Variants in UNC5D observed in about 807,000 individuals in gnomAD.
UNC5D encodes the protein netrin receptor UNC5D.
A neutral mutation model predicts 105.4 loss-of-function variants in UNC5D; 39 were observed. The ratio of observed to expected loss-of-function variants is 0.37; its 90% confidence interval spans 0.29 to 0.48. UNC5D has a LOEUF of 0.48. Ranked by LOEUF, UNC5D falls within the 20% of genes least tolerant of loss-of-function variation. UNC5D has a pLI of 0.98. For synonymous variants in UNC5D, 452 were observed against 450.4 expected (o/e 1.00, Z -0.04); for missense variants, 991 against 1,202.4 (o/e 0.82, Z 2.60).
chr8:35,536,260 A>G (rs923388982), intron 1 of UNC5D, among the ~76,000 whole-genome samples: 2 of 152,234 alleles, frequency 1.3e-5, no homozygotes, highest in African/African-American at 2.4e-5. Flanking sequence ...GCTGGACACT[A>G]TTACCATGTG....
intron 4 of UNC5D, among the ~76,000 whole-genome samples, chr8:35,677,972 A>C (rs1468842277): frequency 6.6e-6 from 1 of 151,278 alleles, no homozygotes; most frequent in Non-Finnish European, 1.5e-5. Flanking sequence ...ACGTGTGTGT[A>C]TGTGTCTGTG....
intron 1 of UNC5D, among the ~76,000 whole-genome samples, chr8:35,424,306 A>T (rs1376541531): frequency 6.6e-6 from 1 of 152,228 alleles, no homozygotes; most frequent in Non-Finnish European, 1.5e-5. Context: ...AATTTTAATG[A>T]TATATTTAAC....
intron 9 of UNC5D, 126 bp downstream of exon 9, chr8:35,722,521 T>A: frequency 7.9e-7 from 1 of 1,262,676 alleles, no homozygotes; most frequent in Non-Finnish European, 1.1e-6. Flanking sequence ...TACCAAATTG[T>A]CTTCACACAT....
intron 4 of UNC5D, among the ~76,000 whole-genome samples, chr8:35,672,021 A>G (rs1434243475): frequency 6.6e-6 from 1 of 152,146 alleles, no homozygotes; most frequent in African/African-American, 2.4e-5. Context: ...ATATCATTAC[A>G]TTATTAGCCT....
Position 35,331,325 on chromosome 8 carries a change from G to A in UNC5D, c.103+95438G>A, listed in dbSNP as rs374138391. Among the ~76,000 whole-genome samples the A allele has an allele frequency of 1.1e-4, 16 of 152,236 alleles. No individual in the cohort carries two copies. The East Asian group carries it at 1.9e-3, about 18-fold the overall frequency. ...CCTTCTCTCATAGTTATAGACCCCTGAGCACTGATGTCATTTCTCTCCTGG... is the reference window on the plus strand; with the variant it reads ...CCTTCTCTCATAGTTATAGACCCCTAAGCACTGATGTCATTTCTCTCCTGG... On this transcript the variant is annotated intron_variant, in intron 1 of 16. Transcript: ENST00000404895.
chr8:35,697,575 A>C (rs1396348451), intron 7 of UNC5D, among the ~76,000 whole-genome samples: 1 of 152,146 alleles, frequency 6.6e-6, no homozygotes, highest in Non-Finnish European at 1.5e-5. Flanking sequence ...TAGCCACAAC[A>C]TCCTATGAAT....
intron 1 of UNC5D, among the ~76,000 whole-genome samples, chr8:35,371,806 T>C (rs1372139976): frequency 6.6e-6 from 1 of 152,190 alleles, no homozygotes; most frequent in Non-Finnish European, 1.5e-5. Context: ...TGTATTACGG[T>C]GTTTCCACAT....
intron 1 of UNC5D, among the ~76,000 whole-genome samples, chr8:35,421,148 C>A (rs1373665716): frequency 1.3e-5 from 2 of 152,130 alleles, no homozygotes; most frequent in African/African-American, 4.8e-5. Context: ...TGACATTAAC[C>A]TTTATCTAAA....
intron 1 of UNC5D, among the ~76,000 whole-genome samples, chr8:35,453,984 G>C (rs1188585832): frequency 1.3e-5 from 2 of 152,092 alleles, no homozygotes; most frequent in Admixed American, 6.6e-5. Flanking sequence ...GACAGATGAA[G>C]GTATAAAAGA....
chr8:35,703,947 T>G (rs1827369911), intron 7 of UNC5D, among the ~76,000 whole-genome samples: 2 of 152,184 alleles, frequency 1.3e-5, no homozygotes, highest in African/African-American at 4.8e-5. Flanking sequence ...TTCTGATTCT[T>G]GAATGCATTA....
intron 3 of UNC5D, among the ~76,000 whole-genome samples, chr8:35,593,847 G>A (rs1474211589): frequency 6.6e-6 from 1 of 152,184 alleles, no homozygotes; most frequent in Admixed American, 6.5e-5. Context: ...CTCTATGATA[G>A]ACTAATTTTG....
chr8:35,615,946 G>A (rs1295614011), intron 4 of UNC5D, among the ~76,000 whole-genome samples: 6 of 152,288 alleles, frequency 3.9e-5, no homozygotes, highest in African/African-American at 1.4e-4. Context: ...GGACTCATCC[G>A]ATCCTTAAAG....
rs1803243989 is a variant in UNC5D, at chr8:35,796,144, T to C, written c.*5581T>C. 6.6e-6 allele frequency: 1 copy of C among 152,276 alleles called. No individual in the cohort carries two copies. The highest frequency in any genetic ancestry group is 2.4e-5 in the African/African-American group (1 of 41,552). The allele number at this position is 152,276 out of a possible 1,614,324, so 9.4% of individuals were successfully genotyped here. ...AATAAAATAAAGCAGGGCTGAACAC[T>C]TAATTTGACATGAAGCTGAAGGACT... On this transcript the variant is annotated 3_prime_UTR_variant, in exon 17 of 17. Coordinates refer to ENST00000404895, the MANE Select transcript of UNC5D (RefSeq NM_080872.4).
intron 4 of UNC5D, among the ~76,000 whole-genome samples, chr8:35,665,000 A>C (rs955557970): frequency 3.9e-5 from 6 of 151,904 alleles, no homozygotes; most frequent in Non-Finnish European, 7.4e-5. Flanking sequence ...TGCCCAGCTA[A>C]TTTTTTAAGT....
rs143156310 is a variant in UNC5D, at chr8:35,785,444, C to T, written c.2658-4915C>T. 3.1e-3 allele frequency among the ~76,000 whole-genome samples: 470 copies of T among 152,210 alleles called. 3 individuals are homozygous for T. Among genetic ancestry groups the T allele is most frequent in the African/African-American group, 0.01 (436 of 41,538 alleles). On this transcript the variant is annotated intron_variant, in intron 16 of 16. Coordinates refer to ENST00000404895, the MANE Select transcript of UNC5D (RefSeq NM_080872.4). ...GCGTGATCTTGACTCACTGCAATCC[C>T]TGCCTCCTGTGTTCAAGCGATTCTT...
chr8:35,444,934 A>T (rs921386906), intron 1 of UNC5D, among the ~76,000 whole-genome samples: 11 of 152,076 alleles, frequency 7.2e-5, no homozygotes, highest in South Asian at 2.1e-4. Flanking sequence ...AATTGTTAAC[A>T]AAACACCTTC....
At chr8:35,402,493 G>A (rs1055898106) in intron 1 of UNC5D, among the ~76,000 whole-genome samples, 1 of 152,078 alleles carries the variant, frequency 6.6e-6, no homozygotes, top group Non-Finnish European at 1.5e-5. Flanking sequence ...GCAACACGTG[G>A]GAATTATGGG....
chr8:35,499,343 TTGAG>T (rs1811823626), intron 1 of UNC5D, among the ~76,000 whole-genome samples: 1 of 152,210 alleles, frequency 6.6e-6, no homozygotes, highest in Non-Finnish European at 1.5e-5. Context: ...TTGTGGAAGA[TTGAG>T]TATTAGCCTT....
chr8:35,482,447 G>A (rs1810542658), intron 1 of UNC5D, among the ~76,000 whole-genome samples: 1 of 152,118 alleles, frequency 6.6e-6, no homozygotes, highest in African/African-American at 2.4e-5. Flanking sequence ...CCTCTGCTCT[G>A]CCAGCTCCCT....
Sources: allele counts gnomAD v4.1 joint callset (sites outside exome capture counted in the v4.1 genomes callset), GRCh38; gene constraint gnomAD v4.1.1; transcripts MANE v1.5; gene names NCBI Gene and HGNC (gene_info 2026-07-23, HGNC 2026-07-21).